The following FRMD5 variants were observed in gnomAD, a reference collection of about 807,000 sequenced individuals.
FRMD5 encodes the protein FERM domain containing 5.
Under a neutral mutation model 69.0 loss-of-function variants are expected in FRMD5, and 20 were observed. That is an observed-to-expected ratio of 0.29 (90% confidence interval 0.20 to 0.42). FRMD5 has a LOEUF of 0.42. Ranked by LOEUF, FRMD5 falls within the 10% of genes least tolerant of loss-of-function variation. FRMD5 has a pLI of 1.00. For missense variants in FRMD5, 595 were observed against 708.6 expected, an observed-to-expected ratio of 0.84 and a Z score of 1.82; for synonymous variants, 271 against 260.1, an observed-to-expected ratio of 1.04 and a Z score of -0.40.
intron 7 of FRMD5, among the ~76,000 whole-genome samples, chr15:43,901,009 G>A (rs2089033306): frequency 6.6e-6 from 1 of 152,168 alleles, no homozygotes; most frequent in African/African-American, 2.4e-5. Context: ...CTTCTTTGAA[G>A]ACAGGATCTT....
intron 1 of FRMD5, among the ~76,000 whole-genome samples, chr15:44,087,725 A>T (rs1894259192): frequency 7.1e-6 from 1 of 141,690 alleles, no homozygotes; most frequent in Non-Finnish European, 1.5e-5. Context: ...GTGCTCAGTA[A>T]ATATCAGCTG....
chr15:44,072,852 G>A (rs1893600325), intron 1 of FRMD5, among the ~76,000 whole-genome samples: 1 of 152,182 alleles, frequency 6.6e-6, no homozygotes, highest in Admixed American at 6.5e-5. Context: ...GATCAAGGCT[G>A]GACACAGTGG....
intron 1 of FRMD5, among the ~76,000 whole-genome samples, chr15:44,093,400 C>G (rs1363170670): frequency 2.6e-5 from 4 of 151,252 alleles, no homozygotes; most frequent in Non-Finnish European, 5.9e-5. Flanking sequence ...GGGCATGAAG[C>G]AACAAGGAAG....
intron 1 of FRMD5, among the ~76,000 whole-genome samples, chr15:44,089,540 A>T (rs1379811799): frequency 6.6e-6 from 1 of 151,982 alleles, no homozygotes; most frequent in African/African-American, 2.4e-5. Flanking sequence ...CTGTCTCTAC[A>T]AAAAATACAA....
At chr15:44,140,872 G>A (rs534805675) in intron 1 of FRMD5, among the ~76,000 whole-genome samples, 1 of 12,154 alleles carries the variant, frequency 8.2e-5, no homozygotes, top group Non-Finnish European at 2.1e-4. Context: ...GACAGAGTGA[G>A]ACTGTCTCAA....
At chr15:44,001,750 G>T (rs1890223848) in intron 1 of FRMD5, among the ~76,000 whole-genome samples, 1 of 151,792 alleles carries the variant, frequency 6.6e-6, no homozygotes, top group Admixed American at 6.6e-5. Flanking sequence ...GGGACTACAG[G>T]CACATGCCAC....
In FRMD5 at chr15:44,195,233, C is replaced by T; in HGVS notation, c.-179G>A. On this transcript the variant is annotated 5_prime_UTR_variant, in exon 1 of 14. Coordinates refer to ENST00000417257, the MANE Select transcript of FRMD5 (RefSeq NM_032892.5). ...CTTATCCTCCTCCTTCCCTCAGCCG[C>T]CACCGCCTCCCCCCAGCCCAGATCA... 1.8e-6 allele frequency: 1 copy of T among 541,834 alleles called. No individual in the cohort carries two copies. Among genetic ancestry groups the T allele is most frequent in the East Asian group, 3.5e-5 (1 of 28,662 alleles). 33.6% of individuals were successfully genotyped at this position (541,834 alleles called of 1,614,324 possible). A position where few individuals can be genotyped will look rare whatever the true frequency, so the allele number is the denominator to read the frequency against.
chr15:44,158,841 T>G (rs2077567522), intron 1 of FRMD5, among the ~76,000 whole-genome samples: 1 of 152,058 alleles, frequency 6.6e-6, no homozygotes, highest in African/African-American at 2.4e-5. Context: ...GATGCAGAGA[T>G]AAAAGACTCA....
chr15:44,151,732 A>G (rs565254259), intron 1 of FRMD5, among the ~76,000 whole-genome samples: 25 of 152,308 alleles, frequency 1.6e-4, no homozygotes, highest in African/African-American at 5.8e-4. Flanking sequence ...ACAAGCAAGG[A>G]AAGAAAAAAA....
At chr15:44,169,574 C>G (rs978204758) in intron 1 of FRMD5, among the ~76,000 whole-genome samples, 8 of 152,078 alleles carry the variant, frequency 5.3e-5, no homozygotes, top group African/African-American at 1.9e-4. Flanking sequence ...CAGGAAATGT[C>G]AGTGGATTTC....
chr15:44,094,555 C>T (rs1014906565), intron 1 of FRMD5, among the ~76,000 whole-genome samples: 3 of 152,198 alleles, frequency 2.0e-5, no homozygotes, highest in African/African-American at 7.2e-5. Flanking sequence ...TCCTACCATG[C>T]TCAAGTTATT....
chr15:44,053,544 T>G (rs190209693), intron 1 of FRMD5, among the ~76,000 whole-genome samples: 185 of 151,918 alleles, frequency 1.2e-3, no homozygotes, highest in Middle Eastern at 3.4e-3. Flanking sequence ...GCAGACAGAT[T>G]TGAGTTATGT....
chr15:44,059,322 T>C (rs1266350002), intron 1 of FRMD5, among the ~76,000 whole-genome samples: 1 of 151,732 alleles, frequency 6.6e-6, no homozygotes, highest in African/African-American at 2.4e-5. Context: ...CAAGGCCAGG[T>C]GAATAAATGC....
At chr15:43,889,427 C>G (rs2088743812) in intron 8 of FRMD5, among the ~76,000 whole-genome samples, 1 of 152,136 alleles carries the variant, frequency 6.6e-6, no homozygotes. Flanking sequence ...AGAGAGAGAA[C>G]AGATTACATG....
intron 1 of FRMD5, among the ~76,000 whole-genome samples, chr15:44,189,711 C>T (rs1435378743): frequency 2.6e-5 from 4 of 152,030 alleles, no homozygotes; most frequent in African/African-American, 9.7e-5. Context: ...AGGCTGGTCT[C>T]AAACTCCTGA....
intron 4 of FRMD5, among the ~76,000 whole-genome samples, chr15:43,912,385 G>A (rs1277614417): frequency 2.0e-5 from 3 of 152,114 alleles, no homozygotes; most frequent in African/African-American, 7.2e-5. Context: ...TTCCCACAGC[G>A]AAATGCCACA....
intron 1 of FRMD5, among the ~76,000 whole-genome samples, chr15:43,971,067 C>CAAAAG (rs2090368702): frequency 6.7e-6 from 1 of 149,854 alleles, no homozygotes; most frequent in South Asian, 2.1e-4. Context: ...TCTACTAAAA[C>CAAAAG]AAAACAAAAC....
At chr15:44,068,670 T>G (rs1444927767) in intron 1 of FRMD5, among the ~76,000 whole-genome samples, 1 of 152,314 alleles carries the variant, frequency 6.6e-6, no homozygotes, top group Non-Finnish European at 1.5e-5. Context: ...GTTCTGAAAT[T>G]ACATACTGGT....
intron 1 of FRMD5, among the ~76,000 whole-genome samples, chr15:44,103,047 C>A (rs986137508): frequency 5.9e-5 from 9 of 152,170 alleles, no homozygotes; most frequent in African/African-American, 2.2e-4. Context: ...GGAGATTTTC[C>A]TCCTATTATT....
Sources: allele counts gnomAD v4.1 joint callset (sites outside exome capture counted in the v4.1 genomes callset), GRCh38; gene constraint gnomAD v4.1.1; transcripts MANE v1.5; gene names NCBI Gene and HGNC (gene_info 2026-07-23, HGNC 2026-07-21).